Variants in SPIDR observed in about 807,000 individuals in gnomAD.
SPIDR encodes the protein scaffold protein involved in DNA repair, also known as DNA repair-scaffolding protein.
SPIDR carries 93 observed loss-of-function variants against 104.6 expected under a neutral mutation model. That is an observed-to-expected ratio of 0.89 (90% CI 0.75 to 1.06). SPIDR has a LOEUF of 1.06. SPIDR is among the 50% of genes least tolerant of loss of function. SPIDR has a pLI of 0.00. For synonymous variants in SPIDR, 431 were observed against 416.9 expected (o/e 1.03, Z -0.41); for missense variants, 1,154 against 1,111.2 (o/e 1.04, Z -0.55).
chr8:47,475,431 GA>G (rs1381263582), intron 8 of SPIDR, among the ~76,000 whole-genome samples: 5 of 152,142 alleles, frequency 3.3e-5, no homozygotes, highest in Admixed American at 3.3e-4. Context: ...AGATACTGAG[GA>G]ATAGTTGTGT....
intron 8 of SPIDR, among the ~76,000 whole-genome samples, chr8:47,483,264 CTTGTTTGTTT>C (rs1303773238): frequency 6.6e-6 from 1 of 151,922 alleles, no homozygotes; most frequent in Non-Finnish European, 1.5e-5. Context: ...TAAAGTAAGC[CTTGTTTGTTT>C]TTGTCTGTTA....
intron 8 of SPIDR, among the ~76,000 whole-genome samples, chr8:47,554,958 G>T (rs2091141682): frequency 6.6e-6 from 1 of 152,168 alleles, no homozygotes; most frequent in African/African-American, 2.4e-5. Flanking sequence ...TGATCATTTG[G>T]AAATACCAGA....
chr8:47,696,635 A>G (rs1446261989), intron 11 of SPIDR, among the ~76,000 whole-genome samples: 1 of 152,182 alleles, frequency 6.6e-6, no homozygotes, highest in Non-Finnish European at 1.5e-5. Flanking sequence ...CTTATCACAG[A>G]TGGCTGGTTG....
intron 7 of SPIDR, among the ~76,000 whole-genome samples, chr8:47,424,972 A>G (rs1449316769): frequency 1.3e-5 from 2 of 152,150 alleles, no homozygotes; most frequent in East Asian, 3.9e-4. Flanking sequence ...CCTTGCCCAG[A>G]CTTTAACTGC....
intron 5 of SPIDR, among the ~76,000 whole-genome samples, chr8:47,374,469 G>C (rs534035401): frequency 6.6e-6 from 1 of 152,070 alleles, no homozygotes; most frequent in Non-Finnish European, 1.5e-5. Flanking sequence ...AATATAAATT[G>C]TCCCATTTTG....
chr8:47,708,861 T>C (rs1009335151), intron 14 of SPIDR, among the ~76,000 whole-genome samples: 1 of 152,240 alleles, frequency 6.6e-6, no homozygotes, highest in Non-Finnish European at 1.5e-5. Context: ...TCCTTTTGAG[T>C]GCTGAATAAT....
At chr8:47,619,595 A>T in intron 10 of SPIDR, among the ~76,000 whole-genome samples, 1 of 150,298 alleles carries the variant, frequency 6.7e-6, no homozygotes, top group Non-Finnish European at 1.5e-5. Flanking sequence ...TGATACTCTG[A>T]ATATGCATAT....
intron 8 of SPIDR, among the ~76,000 whole-genome samples, chr8:47,500,550 G>T (rs1381580558): frequency 2.6e-5 from 4 of 152,104 alleles, no homozygotes; most frequent in Non-Finnish European, 5.9e-5. Context: ...TTAGCCCTTT[G>T]TCAGATGGGT....
intron 16 of SPIDR, among the ~76,000 whole-genome samples, chr8:47,725,711 C>T (rs1050339053): frequency 1.3e-5 from 2 of 152,210 alleles, no homozygotes; most frequent in African/African-American, 4.8e-5. Flanking sequence ...TTTAATCATA[C>T]ACTTCCCAGC....
chr8:47,284,034 A>G lies in SPIDR; in HGVS notation c.196A>G (p.Thr66Ala). The change falls in exon 3 of 20, where the codon ACA becomes GCA. Residue 66 changes from threonine to alanine, a missense_variant. Coordinates refer to ENST00000297423, the MANE Select transcript of SPIDR (RefSeq NM_001080394.4). Reference sequence around the variant, plus strand: ...ATTATTATTTTGCCTACAGTCATTAACAGCTGAAGAGAAGACGATTACAGA... The same window carrying G: ...ATTATTATTTTGCCTACAGTCATTAGCAGCTGAAGAGAAGACGATTACAGA... ...FQNTSGNPSL[T>A]AEEKTITEKH... is the part of the protein sequence containing the mutation. 1.9e-6 allele frequency: 3 copies of G among 1,609,476 alleles called. No individual in the cohort carries two copies. Among genetic ancestry groups the G allele is most frequent in the Non-Finnish European group, 2.5e-6 (3 of 1,178,060 alleles).
chr8:47,300,479 G>A (rs913968231), intron 5 of SPIDR, among the ~76,000 whole-genome samples: 2 of 151,652 alleles, frequency 1.3e-5, no homozygotes, highest in African/African-American at 2.4e-5. Context: ...CTTATTTCTT[G>A]CCTCTGCTAG....
At chr8:47,508,414 T>A (rs926435321) in intron 8 of SPIDR, among the ~76,000 whole-genome samples, 4 of 152,122 alleles carry the variant, frequency 2.6e-5, no homozygotes, top group African/African-American at 7.2e-5. Flanking sequence ...CTTGATAAAG[T>A]TTGGTATAAT....
At chr8:47,344,085 A>G (rs1554615878) in intron 5 of SPIDR, among the ~76,000 whole-genome samples, 2 of 151,248 alleles carry the variant, frequency 1.3e-5, no homozygotes, top group Admixed American at 1.3e-4. Context: ...CGTCATCTAC[A>G]TTAGGTATTT....
rs567223802 is a variant in SPIDR, at chr8:47,417,287, T to C, written c.877+9326T>C. On this transcript the variant is annotated intron_variant, in intron 7 of 19. Transcript: ENST00000297423. ...ATTTCTTCACATCCTCTCCAGCACCTGTTGTTTCCTGACTTTTTAATGATC... is the reference window on the plus strand; with the variant it reads ...ATTTCTTCACATCCTCTCCAGCACCCGTTGTTTCCTGACTTTTTAATGATC... 2.9e-3 allele frequency among the ~76,000 whole-genome samples: 442 copies of C among 152,304 alleles called. 1 individual carries two copies. Among genetic ancestry groups the C allele is most frequent in the African/African-American group, 1.0e-2 (415 of 41,584 alleles).
chr8:47,531,097 A>G (rs147137833), intron 8 of SPIDR, among the ~76,000 whole-genome samples: 5 of 152,154 alleles, frequency 3.3e-5, no homozygotes, highest in African/African-American at 9.6e-5. Context: ...GTTTCTCGCT[A>G]TGTTGCGCAG....
At chr8:47,271,709 C>A (rs1248423469) in intron 1 of SPIDR, among the ~76,000 whole-genome samples, 1 of 152,102 alleles carries the variant, frequency 6.6e-6, no homozygotes, top group African/African-American at 2.4e-5. Context: ...GTGAGTCCAA[C>A]TTCTGGCTCC....
Position 47,501,738 on chromosome 8 carries a change from G to A in SPIDR, c.1097+61196G>A, listed in dbSNP as rs368475205. Among the ~76,000 whole-genome samples, 18 of 152,272 alleles carry A rather than the reference G, an allele frequency of 1.2e-4. No individual in the cohort carries two copies. In the East Asian group the frequency reaches 1.5e-3, roughly 13 times the overall value. On this transcript the variant is annotated intron_variant, in intron 8 of 19. Transcript: ENST00000297423. ...TCTTGTGCGAGTTTTCAAAGGGAATGCTTCCAGTTTTTGCCCATTCAGTAT... is the reference window on the plus strand; with the variant it reads ...TCTTGTGCGAGTTTTCAAAGGGAATACTTCCAGTTTTTGCCCATTCAGTAT...
intron 19 of SPIDR, chr8:47,732,494 G>A: frequency 2.5e-6 from 1 of 393,730 alleles, no homozygotes; most frequent in Non-Finnish European, 4.6e-6. Context: ...TGGTTTCAGG[G>A]CCAATACCAG....
chr8:47,714,864 A>T (rs994305670), intron 16 of SPIDR, among the ~76,000 whole-genome samples: 1 of 152,228 alleles, frequency 6.6e-6, no homozygotes, highest in African/African-American at 2.4e-5. Context: ...TGTAATAAAC[A>T]TTCTTGGACA....
Sources: gnomAD v4.1 joint callset for allele counts (sites outside exome capture counted in the v4.1 genomes callset) on GRCh38, gnomAD v4.1.1 for gene constraint, MANE v1.5 for transcripts, NCBI Gene and HGNC (gene_info 2026-07-23, HGNC 2026-07-21) for gene names.